PDHX: variants seen among roughly 807,000 people sequenced by gnomAD.
The protein encoded by PDHX is pyruvate dehydrogenase protein X component, mitochondrial.
A neutral mutation model predicts 55.3 loss-of-function variants in PDHX; 33 were observed. The ratio of observed to expected loss-of-function variants is 0.60; its 90% CI spans 0.45 to 0.80. The LOEUF is 0.80. Among genes scored for constraint, PDHX ranks in the 30% least tolerant of loss-of-function variants. The pLI is 0.00. For missense variants in PDHX, 622 were observed against 619.9 expected (o/e 1.00, Z -0.04); for synonymous variants, 226 against 219.4 (o/e 1.03, Z -0.27).
chr11:34,950,463 G>A (rs1393561341), intron 3 of PDHX, among the ~76,000 whole-genome samples: 1 of 150,202 alleles, frequency 6.7e-6, no homozygotes, highest in Admixed American at 6.6e-5. Context: ...CCATGCTGGT[G>A]TGCTGCACCC....
intron 4 of PDHX, among the ~76,000 whole-genome samples, chr11:34,957,967 A>G (rs779948207): frequency 6.6e-6 from 1 of 152,142 alleles, no homozygotes; most frequent in Non-Finnish European, 1.5e-5. Flanking sequence ...TCAAATGTCT[A>G]TCTGATATAA....
At chr11:34,941,555 A>G (rs7947650) in intron 2 of PDHX, among the ~76,000 whole-genome samples, 28,680 of 152,134 alleles carry the variant, frequency 0.19, 3,886 homozygotes, top group African/African-American at 0.39. Flanking sequence ...TGTTCATGTT[A>G]ATCTGATAAC....
intron 5 of PDHX, among the ~76,000 whole-genome samples, chr11:34,965,539 C>A (rs546599096): frequency 6.6e-6 from 1 of 152,084 alleles, no homozygotes; most frequent in Non-Finnish European, 1.5e-5. Flanking sequence ...TATAAAATGC[C>A]ACCAATTTTG....
At chr11:34,945,050 T>G (rs1300329816) in intron 2 of PDHX, among the ~76,000 whole-genome samples, 1 of 152,192 alleles carries the variant, frequency 6.6e-6, no homozygotes, top group Non-Finnish European at 1.5e-5. Flanking sequence ...ATTTCTGTTT[T>G]TAAATTTTAA....
At chr11:34,915,987 A>G, upstream of PDHX, 1 of 586,622 alleles carries the variant, frequency 1.7e-6, no homozygotes, top group Non-Finnish European at 3.0e-6. Flanking sequence ...CTTCTTTCCA[A>G]CGTTTGGCGC....
intron 7 of PDHX, among the ~76,000 whole-genome samples, chr11:34,975,280 T>C (rs1855343128): frequency 6.6e-6 from 1 of 152,062 alleles, no homozygotes; most frequent in Non-Finnish European, 1.5e-5. Context: ...AGATGTATGG[T>C]TTGTTGTCTT....
intron 2 of PDHX, among the ~76,000 whole-genome samples, chr11:34,935,323 G>A (rs1242910944): frequency 6.6e-6 from 1 of 152,106 alleles, no homozygotes; most frequent in Non-Finnish European, 1.5e-5. Flanking sequence ...TTATGTCACT[G>A]TTTCTGGCAA....
Position 34,918,999 on chromosome 11 carries a change from G to A in PDHX, c.160+2184G>A, listed in dbSNP as rs1356647573. On this transcript the variant is annotated intron_variant, in intron 1 of 10. Coordinates refer to ENST00000227868, the MANE Select transcript of PDHX (RefSeq NM_003477.3). ...TCCTGAATATTTTCCCCATCTCAAG[G>A]TTGAGTAGAAACCTTAATTCCATCT... Among the ~76,000 whole-genome samples the A allele has an allele frequency of 2.0e-5, 3 of 152,164 alleles. No individual in the cohort carries two copies. The East Asian group carries it at 5.8e-4, about 29-fold the overall frequency.
Position 34,978,156 on chromosome 11 carries a change from A to T in PDHX, c.997A>T (p.Ile333Phe), listed in dbSNP as rs970112194. ...DIKVSVNDFI[I>F]KAAAVTLKQM... ...TAAAGTATCAGTAAATGATTTTATC[A>T]TCAAGGCAGCAGCTGTTACCCTTAA... The change falls in exon 8 of 11, where the codon ATC (isoleucine) becomes TTC (phenylalanine). Residue 333 changes from isoleucine to phenylalanine, a missense_variant. Physicochemically the swap from Ile to Phe is conservative, Grantham distance 21. Transcript: ENST00000227868. 4 of 1,577,082 alleles carry T rather than the reference A, an allele frequency of 2.5e-6. No homozygotes were observed. The highest frequency in any genetic ancestry group is 3.5e-6 in the Non-Finnish European group (4 of 1,146,566).
At chr11:34,955,411 A>G (rs1854882566) in intron 3 of PDHX, among the ~76,000 whole-genome samples, 1 of 152,196 alleles carries the variant, frequency 6.6e-6, no homozygotes, top group Non-Finnish European at 1.5e-5. Context: ...TGAAGAAATT[A>G]TCTTAAATTC....
chr11:34,933,854 A>G (rs1173768763), intron 2 of PDHX, among the ~76,000 whole-genome samples: 2 of 152,132 alleles, frequency 1.3e-5, no homozygotes, highest in African/African-American at 2.4e-5. Flanking sequence ...TAAGGATAAT[A>G]AGGATAATAT....
At chr11:34,948,194 G>A (rs1288496761) in intron 3 of PDHX, among the ~76,000 whole-genome samples, 1 of 152,156 alleles carries the variant, frequency 6.6e-6, no homozygotes, top group East Asian at 1.9e-4. Context: ...CTCATCTCAA[G>A]ACCTGTTACC....
intron 8 of PDHX, among the ~76,000 whole-genome samples, chr11:34,983,523 C>T (rs1002021638): frequency 6.6e-6 from 1 of 152,058 alleles, no homozygotes; most frequent in Non-Finnish European, 1.5e-5. Context: ...ATCTAGAAAA[C>T]CCCATTGTCT....
chr11:34,962,011 C>A (rs776154603), intron 5 of PDHX, among the ~76,000 whole-genome samples: 3 of 152,178 alleles, frequency 2.0e-5, no homozygotes, highest in Admixed American at 2.0e-4. Flanking sequence ...GCCTTAGTAG[C>A]ACTCTCTGTA....
chr11:34,920,770 TACGG>T (rs1477952251), intron 1 of PDHX, among the ~76,000 whole-genome samples: 1 of 152,142 alleles, frequency 6.6e-6, no homozygotes, highest in Non-Finnish European at 1.5e-5. Flanking sequence ...CTCTTATCTC[TACGG>T]AAGGCAGAAG....
chr11:34,951,233 AT>A (rs1259248297), intron 3 of PDHX, among the ~76,000 whole-genome samples: 8 of 151,048 alleles, frequency 5.3e-5, no homozygotes, highest in African/African-American at 1.2e-4. Flanking sequence ...ATTTTTCTGT[AT>A]TTTTTTAGTA....
intron 1 of PDHX, among the ~76,000 whole-genome samples, chr11:34,920,393 G>A (rs1353321284): frequency 6.6e-6 from 1 of 152,136 alleles, no homozygotes; most frequent in Non-Finnish European, 1.5e-5. Context: ...ACATATTATA[G>A]ATGTTCAATA....
rs77619469 is a variant in PDHX, at chr11:34,991,183, G to A, written c.1183-1132G>A. On this transcript the variant is annotated intron_variant, in intron 9 of 10. Transcript: ENST00000227868. ...TTTAGAAATCGCTGTGGTCAAGAGT[G>A]ATATGAATCAAGTACATCCTTATAT... 7.7e-3 allele frequency among the ~76,000 whole-genome samples: 1,166 copies of A among 152,306 alleles called. 12 individuals carry two copies. Among genetic ancestry groups the A allele is most frequent in the Non-Finnish European group, 0.012 (789 of 68,028 alleles).
intron 5 of PDHX, among the ~76,000 whole-genome samples, chr11:34,964,574 A>G (rs1251068789): frequency 6.6e-6 from 1 of 152,186 alleles, no homozygotes; most frequent in East Asian, 1.9e-4. Context: ...ACTGCACTCC[A>G]GCCTGGGTGA....
Sources: allele counts gnomAD v4.1 joint callset (sites outside exome capture counted in the v4.1 genomes callset), GRCh38; gene constraint gnomAD v4.1.1; transcripts MANE v1.5; gene names NCBI Gene and HGNC (gene_info 2026-07-23, HGNC 2026-07-21).